IL17RD: variants seen among roughly 807,000 people sequenced by gnomAD.
IL17RD encodes interleukin-17 receptor D.
IL17RD carries 52 observed loss-of-function variants against 80.5 expected under a neutral mutation model. The ratio of observed to expected loss-of-function variants is 0.65; its 90% CI spans 0.52 to 0.81. IL17RD has a LOEUF of 0.81. Among genes scored for constraint, IL17RD ranks in the 40% least tolerant of loss-of-function variants. IL17RD has a pLI of 0.00. For synonymous variants in IL17RD, 416 were observed against 391.8 expected (o/e 1.06, Z -0.73); for missense variants, 1,024 against 955.1 (o/e 1.07, Z -0.95).
intron 1 of IL17RD, chr3:57,142,347 C>T (rs1707844409): frequency 1.1e-5 from 5 of 449,410 alleles, no homozygotes; most frequent in South Asian, 8.4e-5. Context: ...TAAAAATTCA[C>T]TCTGTTCTTT....
At chr3:57,129,614 C>A (rs1444341191) in intron 1 of IL17RD, among the ~76,000 whole-genome samples, 2 of 152,216 alleles carry the variant, frequency 1.3e-5, no homozygotes, top group African/African-American at 4.8e-5. Flanking sequence ...CCAGCCTCCT[C>A]CACCCCAACA....
rs76248096 is a variant in IL17RD, at chr3:57,098,384, C to A, written c.1319G>T (p.Gly440Val). The change falls in exon 12 of 13, where the codon GGT becomes GTT. Residue 440 changes from glycine to valine, a missense_variant. Gly to Val is a moderately radical substitution (Grantham distance 109). Transcript: ENST00000296318. ...CTCTCCTTTCCCCGAGCCTCGGCCA[C>A]CTCCTTTGTGTTTGTAGTTCTTCTT... ...VDKKNYKHKGGGRGSGKGELF... is the reference protein window; with the variant it reads ...VDKKNYKHKGVGRGSGKGELF... The A allele has an allele frequency of 4.1e-5, 66 of 1,614,034 alleles. No homozygotes were observed. In the East Asian group the frequency reaches 1.4e-3, roughly 33 times the overall value.
Position 57,120,305 on chromosome 3 carries a change from C to T in IL17RD, c.135G>A (p.Gly45=). The T allele has an allele frequency of 6.2e-7, 1 of 1,613,028 alleles. No individual in the cohort carries two copies. The highest frequency in any genetic ancestry group is 1.3e-5 in the African/African-American group (1 of 75,034). Reference sequence around the variant, plus strand: ...ACAGCCCACTGTTTCTGCTGGCTGGCCCCACTCCCTGTGGGAAAACAAGAG... The same window carrying T: ...ACAGCCCACTGTTTCTGCTGGCTGGTCCCACTCCCTGTGGGAAAACAAGAG... ...GADTCGWRGV[G]PASRNSGLYN... Residue 45 remains glycine (G), a synonymous_variant, in exon 2 of 13, where the codon GGG becomes GGA. Transcript: ENST00000296318.
At chr3:57,149,556 T>C (rs1190333468) in intron 1 of IL17RD, among the ~76,000 whole-genome samples, 2 of 152,240 alleles carry the variant, frequency 1.3e-5, no homozygotes, top group East Asian at 1.9e-4. Context: ...AGCTGTCCAA[T>C]AGGGTAGCCT....
rs1307081893 is a variant in IL17RD, at chr3:57,127,325, T to A, written c.127-7012A>T. ...ATATAAAAATATATAAAAATATATA[T>A]AAATATATATAAAAATATATATAAA... is the stretch of plus-strand genomic sequence containing the variant. On this transcript the variant is annotated intron_variant, in intron 1 of 12. Coordinates refer to ENST00000296318, the MANE Select transcript of IL17RD (RefSeq NM_017563.5). 5.1e-4 allele frequency among the ~76,000 whole-genome samples: 44 copies of A among 86,026 alleles called. 6 individuals are homozygous for A. The highest frequency in any genetic ancestry group is 5.2e-3 in the Middle Eastern group (1 of 194). The allele number at this position is 86,026 out of a possible 152,430, so 56.4% of individuals were successfully genotyped here. A position where few individuals can be genotyped will look rare whatever the true frequency, so the allele number is the denominator to read the frequency against.
At chr3:57,101,536 C>T (rs561254785) in intron 10 of IL17RD, among the ~76,000 whole-genome samples, 173 bp from the exon 11 acceptor site, 16 of 152,270 alleles carry the variant, frequency 1.1e-4, no homozygotes, top group African/African-American at 1.7e-4. Context: ...AGCTGATTTC[C>T]GCAGTGGAGC....
At chr3:57,106,248 G>A (rs1157707755) in intron 5 of IL17RD, 94 bp from the exon 6 acceptor site, 4 of 883,266 alleles carry the variant, frequency 4.5e-6, no homozygotes, top group South Asian at 1.5e-5. Flanking sequence ...ATACTGTGCC[G>A]GGTGATGCTA....
At chr3:57,126,689 C>CT (rs1479623905) in intron 1 of IL17RD, among the ~76,000 whole-genome samples, 1 of 152,194 alleles carries the variant, frequency 6.6e-6, no homozygotes, top group African/African-American at 2.4e-5. Context: ...AAGAACTGTG[C>CT]TAAATATAGC....
chr3:57,127,299 TATATAA>T (rs1559477000), intron 1 of IL17RD, among the ~76,000 whole-genome samples: 3,176 of 103,588 alleles, frequency 0.031, 523 homozygotes, highest in African/African-American at 0.13. Flanking sequence ...TATATAAATA[TATATAA>T]AAATATATAA....
At chr3:57,132,418 C>T (rs1707630390) in intron 1 of IL17RD, among the ~76,000 whole-genome samples, 1 of 152,134 alleles carries the variant, frequency 6.6e-6, no homozygotes, top group African/African-American at 2.4e-5. Context: ...CGAGATCGCA[C>T]CACTGCACTC....
At chr3:57,121,050 T>C (rs780200914) in intron 1 of IL17RD, among the ~76,000 whole-genome samples, 1 of 152,192 alleles carries the variant, frequency 6.6e-6, no homozygotes, top group African/African-American at 2.4e-5. Context: ...CCACCACTTA[T>C]GCATCATGAG....
chr3:57,105,550 A>ATAT (rs1210429108), intron 7 of IL17RD, among the ~76,000 whole-genome samples: 5 of 80,414 alleles, frequency 6.2e-5, no homozygotes, highest in Admixed American at 1.2e-4. Context: ...AAAAAAAAAA[A>ATAT]AAATATATAT....
At chr3:57,156,469 G>A (rs1264103098) in intron 1 of IL17RD, among the ~76,000 whole-genome samples, 1 of 152,126 alleles carries the variant, frequency 6.6e-6, no homozygotes, top group East Asian at 1.9e-4. Context: ...GGAGGCTGAG[G>A]TAGGAGAATT....
rs375155597 is a variant in IL17RD, at chr3:57,100,252, AG to A, written c.1164+926del. 1.7e-4 allele frequency among the ~76,000 whole-genome samples: 26 copies of A among 152,356 alleles called. No individual in the cohort carries two copies. In the East Asian group the frequency reaches 4.4e-3, roughly 26 times the overall value. ...CCACCAACCTCACGCTTTCATGCAGAGGGAAACTAGGCTAGCGTAGTATGTT... is the reference window on the plus strand; with the variant it reads ...CCACCAACCTCACGCTTTCATGCAGAGGAAACTAGGCTAGCGTAGTATGTT... On this transcript the variant is annotated intron_variant, in intron 11 of 12. Transcript: ENST00000296318.
chr3:57,114,565 G>T, intron 3 of IL17RD, 127 bp downstream of exon 3: 1 of 789,288 alleles, frequency 1.3e-6, no homozygotes, highest in Non-Finnish European at 1.9e-6. Flanking sequence ...GTGTATCTGT[G>T]CCCAATCCAA....
intron 1 of IL17RD, among the ~76,000 whole-genome samples, chr3:57,155,059 G>A (rs967499955): frequency 6.6e-5 from 10 of 152,160 alleles, no homozygotes; most frequent in Admixed American, 1.3e-4. Flanking sequence ...ACAGCTGGCC[G>A]GCAAATCCGC....
chr3:57,143,527 A>G (rs1275045823), intron 1 of IL17RD, among the ~76,000 whole-genome samples: 1 of 152,234 alleles, frequency 6.6e-6, no homozygotes, highest in Non-Finnish European at 1.5e-5. Flanking sequence ...CAGTACCCCT[A>G]TCAGAAGTAG....
intron 1 of IL17RD, among the ~76,000 whole-genome samples, chr3:57,159,429 A>T (rs1234612749): frequency 2.0e-5 from 3 of 152,168 alleles, no homozygotes; most frequent in Non-Finnish European, 1.5e-5. Flanking sequence ...TAGAGCAAAT[A>T]GTCTCTTTAC....
intron 5 of IL17RD, among the ~76,000 whole-genome samples, chr3:57,107,820 G>A (rs1179274235): frequency 6.6e-6 from 1 of 152,196 alleles, no homozygotes; most frequent in Non-Finnish European, 1.5e-5. Context: ...CATCTAGTAA[G>A]TGGGGATGGT....
Sources: gnomAD v4.1 joint callset for allele counts (sites outside exome capture counted in the v4.1 genomes callset) on GRCh38, gnomAD v4.1.1 for gene constraint, MANE v1.5 for transcripts, NCBI Gene and HGNC (gene_info 2026-07-23, HGNC 2026-07-21) for gene names.